The following SHROOM3 variants were observed in gnomAD, a reference collection of about 807,000 sequenced individuals.
The protein encoded by SHROOM3 is shroom family member 3.
In SHROOM3, 47 loss-of-function variants were observed where a neutral mutation model predicts 138.6. That is an observed-to-expected ratio of 0.34 (90% confidence interval 0.27 to 0.43). The LOEUF (loss-of-function observed/expected upper bound fraction) is 0.43. SHROOM3 is among the 20% of genes least tolerant of loss of function. SHROOM3 has a pLI of 1.00. For synonymous variants in SHROOM3, 1,062 were observed against 1,063.3 expected (o/e 1.00, Z 0.02); for missense variants, 2,491 against 2,596.5 (o/e 0.96, Z 0.88).
chr4:76,682,351 C>G (rs1422172770), intron 2 of SHROOM3, among the ~76,000 whole-genome samples: 1 of 152,180 alleles, frequency 6.6e-6, no homozygotes, highest in Non-Finnish European at 1.5e-5. Context: ...GATGTAATTA[C>G]CATTTTCACA....
At chr4:76,564,993 C>T (rs1319840367) in intron 2 of SHROOM3, among the ~76,000 whole-genome samples, 2 of 151,858 alleles carry the variant, frequency 1.3e-5, no homozygotes, top group South Asian at 4.2e-4. Flanking sequence ...AACCCCATCT[C>T]TACTAAAGAT....
Position 76,637,992 on chromosome 4 carries a change from A to G in SHROOM3, c.324-72164A>G, listed in dbSNP as rs1735550937. 2.0e-5 allele frequency among the ~76,000 whole-genome samples: 3 copies of G among 152,126 alleles called. No homozygotes were observed. In the South Asian group the frequency reaches 6.2e-4, roughly 32 times the overall value. ...TCCGGGGAAGTAGTCAACACCACCC[A>G]ACACAAACTGGGATTGGAGGTTAGG... On this transcript the variant is annotated intron_variant, in intron 2 of 10. Coordinates refer to ENST00000296043, the MANE Select transcript of SHROOM3 (RefSeq NM_020859.4).
chr4:76,701,795 C>T (rs890849583), intron 2 of SHROOM3, among the ~76,000 whole-genome samples: 3 of 152,146 alleles, frequency 2.0e-5, no homozygotes, highest in African/African-American at 7.2e-5. Context: ...AAAGTAATCC[C>T]CTTCACCAAC....
chr4:76,530,726 C>G (rs111297315), intron 1 of SHROOM3, among the ~76,000 whole-genome samples: 6 of 152,204 alleles, frequency 3.9e-5, no homozygotes, highest in Admixed American at 1.3e-4. Flanking sequence ...CTTTAATTCC[C>G]GTGCCTGTAC....
chr4:76,544,204 T>G (rs563172776), intron 1 of SHROOM3, among the ~76,000 whole-genome samples: 2 of 152,140 alleles, frequency 1.3e-5, no homozygotes, highest in African/African-American at 4.8e-5. Context: ...GGGAATCCAT[T>G]GTAAAACAGG....
intron 4 of SHROOM3, among the ~76,000 whole-genome samples, chr4:76,738,167 T>C (rs1184456847): frequency 6.6e-6 from 1 of 152,204 alleles, no homozygotes; most frequent in Non-Finnish European, 1.5e-5. Context: ...TTTCTGACTC[T>C]AATTTCTCTC....
At chr4:76,774,720 G>T (rs6825543) in intron 10 of SHROOM3, among the ~76,000 whole-genome samples, 6,988 of 111,462 alleles carry the variant, frequency 0.063, 208 homozygotes, top group Non-Finnish European at 0.087. Flanking sequence ...TTTTTTTTTT[G>T]TTTTTTTTTT....
chr4:76,733,618 G>A (rs1484475096), intron 4 of SHROOM3, among the ~76,000 whole-genome samples: 4 of 152,134 alleles, frequency 2.6e-5, no homozygotes, highest in African/African-American at 4.8e-5. Context: ...TCTTGGCAGC[G>A]GCAGGTGGAG....
At chr4:76,711,296 G>A (rs1720221521) in intron 3 of SHROOM3, among the ~76,000 whole-genome samples, 1 of 152,206 alleles carries the variant, frequency 6.6e-6, no homozygotes, top group African/African-American at 2.4e-5. Context: ...TCCTAGGGAT[G>A]CTGAAAGGAC....
At chr4:76,636,285 T>C (rs1247789502) in intron 2 of SHROOM3, among the ~76,000 whole-genome samples, 3 of 152,224 alleles carry the variant, frequency 2.0e-5, no homozygotes, top group Admixed American at 1.3e-4. Context: ...TTGACAGACT[T>C]CATGATGGAA....
At chr4:76,523,285 G>A (rs952368715) in intron 1 of SHROOM3, among the ~76,000 whole-genome samples, 1 of 152,138 alleles carries the variant, frequency 6.6e-6, no homozygotes, top group African/African-American at 2.4e-5. Context: ...AGGCCCATCC[G>A]AGTTCTATGT....
At chr4:76,594,218 T>C (rs1316655129) in intron 2 of SHROOM3, among the ~76,000 whole-genome samples, 1 of 152,208 alleles carries the variant, frequency 6.6e-6, no homozygotes, top group African/African-American at 2.4e-5. Context: ...CCACAAAATG[T>C]CTAATCCTAT....
intron 1 of SHROOM3, among the ~76,000 whole-genome samples, chr4:76,538,188 T>G (rs573374580): frequency 6.6e-6 from 1 of 152,330 alleles, no homozygotes; most frequent in African/African-American, 2.4e-5. Context: ...CGTGAGCCAC[T>G]GCAACCAGCC....
intron 2 of SHROOM3, among the ~76,000 whole-genome samples, chr4:76,661,478 C>A (rs1368495285): frequency 1.3e-5 from 2 of 152,150 alleles, no homozygotes; most frequent in African/African-American, 2.4e-5. Context: ...GATCCGCCCA[C>A]CTCGGCCTCC....
chr4:76,623,773 A>G (rs369874403), intron 2 of SHROOM3, among the ~76,000 whole-genome samples: 2 of 152,326 alleles, frequency 1.3e-5, no homozygotes, highest in Admixed American at 6.5e-5. Flanking sequence ...AAAACACCCA[A>G]GCATTTTTCA....
intron 3 of SHROOM3, among the ~76,000 whole-genome samples, chr4:76,729,978 A>C (rs1272434948): frequency 6.6e-6 from 1 of 152,240 alleles, no homozygotes; most frequent in Non-Finnish European, 1.5e-5. Context: ...CTACAGTCTT[A>C]CAGTTCAAGA....
At chr4:76,615,111 A>G (rs547672183) in intron 2 of SHROOM3, among the ~76,000 whole-genome samples, 2 of 152,364 alleles carry the variant, frequency 1.3e-5, no homozygotes, top group East Asian at 1.9e-4. Flanking sequence ...CAGCAAGGAC[A>G]GAGCATGAAC....
At chr4:76,621,160 C>A (rs199684437) in intron 2 of SHROOM3, among the ~76,000 whole-genome samples, 40 of 146,882 alleles carry the variant, frequency 2.7e-4, no homozygotes, top group Admixed American at 8.8e-4. Flanking sequence ...AAAAAAAAAA[C>A]AAAAAACTTC....
chr4:76,465,442 T>C (rs1274086301), intron 1 of SHROOM3, among the ~76,000 whole-genome samples: 1 of 152,204 alleles, frequency 6.6e-6, no homozygotes, highest in African/African-American at 2.4e-5. Context: ...CCATTCTGCC[T>C]GATGCCTCTT....
Sources: allele counts gnomAD v4.1 joint callset (sites outside exome capture counted in the v4.1 genomes callset), GRCh38; gene constraint gnomAD v4.1.1; transcripts MANE v1.5; gene names NCBI Gene and HGNC (gene_info 2026-07-23, HGNC 2026-07-21).